The following UBP1 variants were observed in gnomAD, a reference collection of about 807,000 sequenced individuals.
The protein encoded by UBP1 is upstream binding protein 1, also known as upstream-binding protein 1.
Under a neutral mutation model 76.1 loss-of-function variants are expected in UBP1, and 22 were observed. The ratio of observed to expected loss-of-function variants is 0.29; its 90% CI spans 0.21 to 0.41. The LOEUF (loss-of-function observed/expected upper bound fraction) is 0.41. UBP1 is among the 10% of genes least tolerant of loss of function. The pLI, the probability that UBP1 is intolerant of heterozygous loss-of-function variation, is 1.00. For synonymous variants in UBP1, 224 were observed against 237.1 expected (o/e 0.94, Z 0.51); for missense variants, 436 against 668.1 (o/e 0.65, Z 3.83).
chr3:33,392,914 C>T, intron 14 of UBP1: 1 of 355,480 alleles, frequency 2.8e-6, no homozygotes, highest in South Asian at 8.2e-5. Context: ...AAGTGCTCTT[C>T]TATTATTACT....
chr3:33,418,135 A>T (rs1490677289), intron 2 of UBP1, among the ~76,000 whole-genome samples: 1 of 152,254 alleles, frequency 6.6e-6, no homozygotes, highest in East Asian at 1.9e-4. Flanking sequence ...GAAGAATATA[A>T]AGTTTTGAAA....
intron 2 of UBP1, among the ~76,000 whole-genome samples, chr3:33,418,860 CAAAAAAAA>C (rs59774815): frequency 1.3e-4 from 10 of 76,768 alleles, no homozygotes; most frequent in Non-Finnish European, 2.0e-4. Flanking sequence ...ACTCTGTCTC[CAAAAAAAA>C]AAAAAAAAAA....
At chr3:33,418,590 G>A (rs1036841559) in intron 2 of UBP1, among the ~76,000 whole-genome samples, 1 of 151,784 alleles carries the variant, frequency 6.6e-6, no homozygotes, top group African/African-American at 2.4e-5. Context: ...TGCGCGCAGT[G>A]GCTCACGCTT....
At chr3:33,396,484 A>G in intron 12 of UBP1, 1 of 508,796 alleles carries the variant, frequency 2.0e-6, no homozygotes, top group Non-Finnish European at 3.5e-6. Flanking sequence ...ATGATGATCC[A>G]GACTCTAAAC....
At position 33,401,574 on chromosome 3, in the gene UBP1, CAGGGAAT is replaced by C. The variant is rs1212420305; in HGVS notation, c.1032-565_1032-559del. Among the ~76,000 whole-genome samples the C allele has an allele frequency of 2.6e-5, 4 of 152,328 alleles. No homozygotes were observed. The East Asian group carries it at 7.7e-4, about 29-fold the overall frequency. The stretch of plus-strand genomic sequence containing the variant: ...TAAAATGAAATGAAAAACAGCTCCA[CAGGGAAT>C]AGGGCTACCTTCTGGCTCTTGAGCA... On this transcript the variant is annotated intron_variant, in intron 9 of 15. Coordinates refer to ENST00000283629, the MANE Select transcript of UBP1 (RefSeq NM_014517.5).
chr3:33,425,996 AATATATATATATATATATATATATAT>A (rs60739079), intron 1 of UBP1, among the ~76,000 whole-genome samples: 18 of 55,136 alleles, frequency 3.3e-4, no homozygotes, highest in South Asian at 1.3e-3. Context: ...GGCAGCTCTG[AATATATATATATATATATATATATAT>A]ATATATATAT....
intron 8 of UBP1, chr3:33,403,556 G>GTCTATCTATCTA (rs1360890607): frequency 5.5e-5 from 1 of 18,288 alleles, no homozygotes; most frequent in African/African-American, 9.6e-5. Flanking sequence ...CTGTCTGTCT[G>GTCTATCTATCTA]TCTGTCTGTC....
chr3:33,403,584 G>GTCTGTCTGTCTGTCTA (rs60697427), intron 8 of UBP1: 1 of 148,878 alleles, frequency 6.7e-6, no homozygotes, highest in African/African-American at 2.5e-5. Context: ...CTGTCTGTCT[G>GTCTGTCTGTCTGTCTA]TCTATCTATC....
intron 15 of UBP1, chr3:33,392,016 C>T (rs2043786486): frequency 6.5e-6 from 1 of 153,434 alleles, no homozygotes; most frequent in Non-Finnish European, 1.5e-5. Context: ...TTGCACACAG[C>T]CCCACGTTGC....
In UBP1 at chr3:33,390,323, A is replaced by T; in HGVS notation, c.*8T>A. 2 of 1,613,866 alleles carry T rather than the reference A, an allele frequency of 1.2e-6. No homozygotes were observed. The highest frequency in any genetic ancestry group is 1.7e-6 in the Non-Finnish European group (2 of 1,179,700). On this transcript the variant is annotated 3_prime_UTR_variant, in exon 16 of 16. Coordinates refer to ENST00000283629, the MANE Select transcript of UBP1 (RefSeq NM_014517.5). ...TGGTACTGAATACAGTTCAGTCTAT[A>T]TAAGACATCACTTCAAAATTATGTG... is the stretch of plus-strand genomic sequence containing the variant.
chr3:33,412,905 T>C, intron 3 of UBP1, 78 bp from the exon 4 acceptor site: 1 of 932,684 alleles, frequency 1.1e-6, no homozygotes, highest in Non-Finnish European at 1.8e-6. Context: ...TTCTTATGTG[T>C]TAACCTGTAG....
At chr3:33,413,910 TC>T (rs1167621721) in intron 3 of UBP1, among the ~76,000 whole-genome samples, 1 of 152,132 alleles carries the variant, frequency 6.6e-6, no homozygotes, top group East Asian at 1.9e-4. Flanking sequence ...TGCCAGTGGT[TC>T]ACATCTGCTA....
chr3:33,405,059 AC>A (rs1415762836), intron 8 of UBP1, among the ~76,000 whole-genome samples: 22 of 152,338 alleles, frequency 1.4e-4, no homozygotes, highest in Admixed American at 9.2e-4. Flanking sequence ...GGCTATGGTC[AC>A]AGCAAATTTT....
chr3:33,416,942 T>C (rs1180563315), intron 2 of UBP1, 108 bp from the exon 3 acceptor site: 3 of 947,214 alleles, frequency 3.2e-6, no homozygotes, highest in Middle Eastern at 2.3e-4. Flanking sequence ...CAATGATAGT[T>C]TGTTAATTTG....
intron 13 of UBP1, 52 bp from the exon 14 acceptor site, chr3:33,393,506 G>A (rs763666893): frequency 1.3e-6 from 2 of 1,551,958 alleles, no homozygotes; most frequent in South Asian, 1.2e-5. Context: ...TCTTTGATCT[G>A]TTTTCTGCCT....
chr3:33,402,667 G>A (rs1234263227), intron 9 of UBP1, 134 bp downstream of exon 9: 3 of 558,890 alleles, frequency 5.4e-6, no homozygotes, highest in Non-Finnish European at 5.7e-6. Context: ...CTGCCACCAA[G>A]ATACAGGATA....
chr3:33,411,604 T>C lies in UBP1; in HGVS notation c.532A>G (p.Lys178Glu). Reference protein sequence around the residue: ...NAVEFLWDPAKRTSAFIQVHC... With the variant: ...NAVEFLWDPAERTSAFIQVHC... ...ACCTGAATGAAAGCAGAGGTGCGTT[T>C]TGCTGGGTCCCACAGAAATTCAACC... The change falls in exon 5 of 16, where the codon AAA becomes GAA. Residue 178 changes from lysine (K) to glutamate (E), a missense_variant. Physicochemically the swap from Lys to Glu is moderately conservative, Grantham distance 56 (BLOSUM62 1). This residue lies in a region of UBP1 where 161 missense variants were observed against 237.9 expected (regional missense o/e 0.68). Coordinates refer to ENST00000283629, the MANE Select transcript of UBP1 (RefSeq NM_014517.5). 2 of 1,614,182 alleles carry C rather than the reference T, an allele frequency of 1.2e-6. No homozygotes were observed. The highest frequency in any genetic ancestry group is 1.7e-6 in the Non-Finnish European group (2 of 1,180,014).
intron 2 of UBP1, among the ~76,000 whole-genome samples, chr3:33,422,574 A>C (rs995605550): frequency 1.3e-5 from 2 of 151,758 alleles, no homozygotes; most frequent in Admixed American, 6.6e-5. Context: ...TTTTTTTAAA[A>C]ATTTGCCAGG....
At chr3:33,430,756 T>C (rs1470471396) in intron 1 of UBP1, among the ~76,000 whole-genome samples, 1 of 152,126 alleles carries the variant, frequency 6.6e-6, no homozygotes, top group Non-Finnish European at 1.5e-5. Context: ...GGAATGCAGC[T>C]GCGGAAAATT....
Sources: gnomAD v4.1 joint callset for allele counts (sites outside exome capture counted in the v4.1 genomes callset) on GRCh38, gnomAD v4.1.1 for gene constraint, gnomAD v4.1.1 regional missense constraint, MANE v1.5 for transcripts, NCBI Gene and HGNC (gene_info 2026-07-23, HGNC 2026-07-21) for gene names.